The following CMSS1 variants were observed in gnomAD, a reference collection of about 807,000 sequenced individuals.
CMSS1 encodes the protein protein CMSS1.
A neutral mutation model predicts 43.5 loss-of-function variants in CMSS1; 33 were observed. The observed-to-expected ratio is 0.76, with a 90% CI of 0.57 to 1.01. The LOEUF is 1.01. Ranked by LOEUF, CMSS1 falls within the 50% of genes least tolerant of loss-of-function variation. The pLI, the probability that CMSS1 is intolerant of heterozygous loss-of-function variation, is 0.00. For missense variants in CMSS1, 313 were observed against 326.4 expected (o/e 0.96, Z 0.32); for synonymous variants, 115 against 117.2 (o/e 0.98, Z 0.12).
At chr3:100,059,251 C>T (rs2065518181) in intron 1 of CMSS1, among the ~76,000 whole-genome samples, 2 of 152,178 alleles carry the variant, frequency 1.3e-5, no homozygotes, top group South Asian at 4.1e-4. Context: ...AATACAATGC[C>T]TCTTAATTTT....
At chr3:99,984,594 G>T (rs1442630788) in intron 1 of CMSS1, among the ~76,000 whole-genome samples, 2 of 152,088 alleles carry the variant, frequency 1.3e-5, no homozygotes, top group Admixed American at 1.3e-4. Context: ...GAAGATCTTT[G>T]CCCAAAATTT....
At position 100,031,972 on chromosome 3, in the gene CMSS1, T is replaced by TGAATGTATGTATGTATA. The variant is rs1252660414; in HGVS notation, c.65-115001_65-115000insGAATGTATGTATGTATA. 5.3e-4 allele frequency among the ~76,000 whole-genome samples: 81 copies of TGAATGTATGTATGTATA among 152,292 alleles called. 3 individuals are homozygous for TGAATGTATGTATGTATA. In the East Asian group the frequency reaches 0.015, roughly 29 times the overall value. Reference sequence around the variant, plus strand: ...ACAGTTAAATTTGAATTTTATGTATTTTTCATGCATCATGAAAAATCCTAA... The same window carrying TGAATGTATGTATGTATA: ...ACAGTTAAATTTGAATTTTATGTATTGAATGTATGTATGTATATTTCATGCATCATGAAAAATCCTAA... On this transcript the variant is annotated intron_variant, in intron 1 of 9. Coordinates refer to ENST00000421999, the MANE Select transcript of CMSS1 (RefSeq NM_032359.4).
At chr3:99,994,233 A>T (rs1187364364) in intron 1 of CMSS1, among the ~76,000 whole-genome samples, 2 of 152,198 alleles carry the variant, frequency 1.3e-5, no homozygotes, top group Non-Finnish European at 2.9e-5. Context: ...TTCAGATCAG[A>T]AAACAAAGAT....
chr3:100,007,394 A>G (rs1710018222), intron 1 of CMSS1, among the ~76,000 whole-genome samples: 1 of 152,186 alleles, frequency 6.6e-6, no homozygotes. Context: ...TGGCTCGCTA[A>G]TGCATTTTGT....
chr3:100,091,241 C>T lies in CMSS1; in HGVS notation c.65-55732C>T, dbSNP rs146460648. Among the ~76,000 whole-genome samples the T allele has an allele frequency of 8.7e-5, 13 of 149,634 alleles. No homozygotes were observed. In the East Asian group the frequency reaches 1.8e-3, roughly 20 times the overall value. On this transcript the variant is annotated intron_variant, in intron 1 of 9. Transcript: ENST00000421999. ...CGGAACTTGCAGTGAGCCGAGATTGCGCCACTGCACTCCAGACTAGGCGAC... is the reference window on the plus strand; with the variant it reads ...CGGAACTTGCAGTGAGCCGAGATTGTGCCACTGCACTCCAGACTAGGCGAC...
At chr3:100,156,299 CTTTTTTTTTTTT>C (rs34413816) in intron 2 of CMSS1, among the ~76,000 whole-genome samples, 1 of 73,052 alleles carries the variant, frequency 1.4e-5, no homozygotes, top group Non-Finnish European at 2.6e-5. Context: ...AATTTTTTTT[CTTTTTTTTTTTT>C]TTTTTTTTTT....
chr3:100,140,444 A>T (rs777937962), intron 1 of CMSS1, among the ~76,000 whole-genome samples: 1 of 151,820 alleles, frequency 6.6e-6, no homozygotes, highest in Non-Finnish European at 1.5e-5. Flanking sequence ...ATCATGCATT[A>T]TATAGCTTCT....
intron 1 of CMSS1, among the ~76,000 whole-genome samples, chr3:99,825,691 T>G (rs1234740159): frequency 6.6e-6 from 1 of 152,114 alleles, no homozygotes; most frequent in Non-Finnish European, 1.5e-5. Flanking sequence ...GTGGAAGGCC[T>G]ATACATAACT....
chr3:99,965,497 A>G (rs537269297), intron 1 of CMSS1, among the ~76,000 whole-genome samples: 3 of 152,310 alleles, frequency 2.0e-5, no homozygotes, highest in Admixed American at 6.5e-5. Flanking sequence ...ATTTGTAGCT[A>G]TCTCTGAATT....
chr3:99,942,804 C>T (rs1217045397), intron 1 of CMSS1, among the ~76,000 whole-genome samples: 1 of 151,076 alleles, frequency 6.6e-6, no homozygotes, highest in Non-Finnish European at 1.5e-5. Flanking sequence ...ACTCTAGCCT[C>T]GGCGACAGAG....
At chr3:100,082,989 G>C (rs574895874) in intron 1 of CMSS1, among the ~76,000 whole-genome samples, 2 of 152,228 alleles carry the variant, frequency 1.3e-5, no homozygotes, top group South Asian at 4.1e-4. Flanking sequence ...TTAATGTTTA[G>C]AAAAATTCAA....
intron 1 of CMSS1, among the ~76,000 whole-genome samples, chr3:99,942,543 G>T (rs938123742): frequency 4.6e-5 from 7 of 152,164 alleles, no homozygotes; most frequent in African/African-American, 1.7e-4. Flanking sequence ...TTAAGAAGTG[G>T]TTTCCTTGCC....
At chr3:100,137,788 G>A (rs1318453538) in intron 1 of CMSS1, among the ~76,000 whole-genome samples, 3 of 152,028 alleles carry the variant, frequency 2.0e-5, no homozygotes, top group Admixed American at 6.5e-5. Flanking sequence ...GGATGGTTTC[G>A]ATCTCCTGAC....
chr3:100,117,963 C>G (rs1018219555), intron 1 of CMSS1, among the ~76,000 whole-genome samples: 1 of 148,714 alleles, frequency 6.7e-6, no homozygotes, highest in Admixed American at 6.7e-5. Flanking sequence ...TGAAGGCATG[C>G]TAAGTGAAAT....
intron 1 of CMSS1, among the ~76,000 whole-genome samples, chr3:99,937,676 A>C (rs1707722355): frequency 6.6e-6 from 1 of 152,212 alleles, no homozygotes; most frequent in Non-Finnish European, 1.5e-5. Flanking sequence ...GTTGGACCTC[A>C]GCAGGGATTT....
chr3:100,132,730 A>G (rs2066719135), intron 1 of CMSS1, among the ~76,000 whole-genome samples: 2 of 151,114 alleles, frequency 1.3e-5, no homozygotes, highest in African/African-American at 4.9e-5. Flanking sequence ...GAGGCAGGCA[A>G]ATGGTGTGAA....
chr3:100,106,868 A>C (rs2107468350), intron 1 of CMSS1, among the ~76,000 whole-genome samples: 1 of 152,244 alleles, frequency 6.6e-6, no homozygotes, highest in Middle Eastern at 3.4e-3. Context: ...TTGCTTTTTA[A>C]AAATATGCAG....
chr3:99,964,670 A>G (rs965101326), intron 1 of CMSS1, among the ~76,000 whole-genome samples: 4 of 152,112 alleles, frequency 2.6e-5, no homozygotes, highest in Non-Finnish European at 5.9e-5. Flanking sequence ...CTGTTTCTCA[A>G]TATGGCTCAC....
chr3:100,107,945 T>C (rs2066422550), intron 1 of CMSS1, among the ~76,000 whole-genome samples: 1 of 152,000 alleles, frequency 6.6e-6, no homozygotes, highest in African/African-American at 2.4e-5. Context: ...AGGATGTTTC[T>C]ACCTTTCTAA....
Sources: gnomAD v4.1 joint callset for allele counts (sites outside exome capture counted in the v4.1 genomes callset) on GRCh38, gnomAD v4.1.1 for gene constraint, MANE v1.5 for transcripts, NCBI Gene and HGNC (gene_info 2026-07-23, HGNC 2026-07-21) for gene names.